PTPRJ: variants seen among roughly 807,000 people sequenced by gnomAD.
PTPRJ encodes protein tyrosine phosphatase receptor type J, also known as receptor-type tyrosine-protein phosphatase eta.
A neutral mutation model predicts 141.3 loss-of-function variants in PTPRJ; 129 were observed. That is an observed-to-expected ratio of 0.91 (90% CI 0.79 to 1.06). PTPRJ has a LOEUF of 1.06. PTPRJ is among the 50% of genes least tolerant of loss of function. PTPRJ has a pLI of 0.00. For missense variants in PTPRJ, 1,601 were observed against 1,679.7 expected, an observed-to-expected ratio of 0.95 and a Z score of 0.82; for synonymous variants, 610 against 640.5, an observed-to-expected ratio of 0.95 and a Z score of 0.72.
intron 5 of PTPRJ, among the ~76,000 whole-genome samples, chr11:48,124,606 C>T (rs534396408): frequency 1.1e-4 from 17 of 152,292 alleles, no homozygotes; most frequent in South Asian, 6.2e-4. Flanking sequence ...TCCAGGGAAA[C>T]GTGTCTTGAG....
At chr11:48,128,149 C>T (rs978723523) in intron 7 of PTPRJ, 106 bp downstream of exon 7, 27 of 1,366,432 alleles carry the variant, frequency 2.0e-5, no homozygotes, top group East Asian at 9.3e-5. Flanking sequence ...GCTGACCACA[C>T]GCCAAGCTTC....
chr11:48,052,406 CTG>C (rs1479749636), intron 1 of PTPRJ, among the ~76,000 whole-genome samples: 1 of 152,230 alleles, frequency 6.6e-6, no homozygotes, highest in Admixed American at 6.5e-5. Context: ...TGGACATCCT[CTG>C]GAGCCCAGGG....
At chr11:48,134,180 TTCTC>T (rs1378927024) in intron 8 of PTPRJ, among the ~76,000 whole-genome samples, 2 of 152,260 alleles carry the variant, frequency 1.3e-5, no homozygotes, top group African/African-American at 2.4e-5. Flanking sequence ...TGAATTCCTT[TTCTC>T]TCTGTGTCCA....
Position 48,136,072 on chromosome 11 carries a change from A to G in PTPRJ, c.1649A>G (p.Tyr550Cys), listed in dbSNP as rs776068369. ...PSAVFDIHVV[Y>C]VTTTEMWLDW... is the part of the protein sequence containing the mutation. ...GCAGTGTTTGACATCCACGTGGTCT[A>G]CGTCACCACCACGGAGATGTGGCTG... The change falls in exon 9 of 25, where the codon TAC (tyrosine) becomes TGC (cysteine). Residue 550 changes from tyrosine (Y) to cysteine (C), a missense_variant. Tyr to Cys is a radical substitution (Grantham distance 194, BLOSUM62 -2). Transcript: ENST00000418331. 1.5e-5 allele frequency: 24 copies of G among 1,613,994 alleles called. No homozygotes were observed. The highest frequency in any genetic ancestry group is 1.2e-4 in the African/African-American group (9 of 74,906).
Position 48,130,544 on chromosome 11 carries a change from A to T in PTPRJ, c.1443A>T (p.Ser481=), listed in dbSNP as rs931073105. The change falls in exon 8 of 25, where the codon TCA becomes TCT. Residue 481 remains serine (S), a synonymous_variant. Coordinates refer to ENST00000418331, the MANE Select transcript of PTPRJ (RefSeq NM_002843.4). The part of the protein sequence containing the change: ...GLAWSSHDAE[S]FQMHITQEGA... ...CATGGAGCAGCCATGATGCAGAATC[A>T]TTTCAGATGCATATCACACAGGAGG... 4 of 1,614,154 alleles carry T rather than the reference A, an allele frequency of 2.5e-6. No individual in the cohort carries two copies. Among genetic ancestry groups the T allele is most frequent in the Non-Finnish European group, 3.4e-6 (4 of 1,180,032 alleles).
chr11:48,057,381 GA>G (rs1854784040), intron 1 of PTPRJ, among the ~76,000 whole-genome samples: 1 of 152,178 alleles, frequency 6.6e-6, no homozygotes, highest in Admixed American at 6.5e-5. Context: ...CCACTTAAGA[GA>G]GGCACAGTGT....
intron 1 of PTPRJ, among the ~76,000 whole-genome samples, chr11:48,032,005 A>G (rs753106778): frequency 2.3e-4 from 35 of 152,238 alleles, no homozygotes; most frequent in Middle Eastern, 3.4e-3. Context: ...TGACTGTATC[A>G]TAGGGTTGAT....
intron 1 of PTPRJ, among the ~76,000 whole-genome samples, chr11:47,998,642 G>A (rs773246791): frequency 1.6e-4 from 25 of 152,294 alleles, no homozygotes; most frequent in African/African-American, 5.5e-4. Flanking sequence ...TCAAGATTCC[G>A]TGAAAAAATG....
chr11:48,056,620 G>A (rs908587811), intron 1 of PTPRJ, among the ~76,000 whole-genome samples: 2 of 152,134 alleles, frequency 1.3e-5, no homozygotes, highest in African/African-American at 4.8e-5. Flanking sequence ...ACAATAAAGC[G>A]ATAAGGTAGG....
In PTPRJ at chr11:48,129,128, C is replaced by T. The variant is rs72903547; in HGVS notation, c.1357+1085C>T. 3.4e-3 allele frequency among the ~76,000 whole-genome samples: 515 copies of T among 152,296 alleles called. 1 individual carries two copies. Among genetic ancestry groups the T allele is most frequent in the Non-Finnish European group, 4.3e-3 (290 of 68,038 alleles). On this transcript the variant is annotated intron_variant, in intron 7 of 24. Coordinates refer to ENST00000418331, the MANE Select transcript of PTPRJ (RefSeq NM_002843.4). ...TTATCCAAGGCTCAGTTGTATGAAACAGAAACTGTGAGCTATTTTAACCAA... is the reference window on the plus strand; with the variant it reads ...TTATCCAAGGCTCAGTTGTATGAAATAGAAACTGTGAGCTATTTTAACCAA...
At position 47,980,726 on chromosome 11, in the gene PTPRJ, C is replaced by T; in HGVS notation, c.-187C>T. 2 of 1,003,126 alleles carry T rather than the reference C, an allele frequency of 2.0e-6. No homozygotes were observed. The highest frequency in any genetic ancestry group is 1.7e-5 in the African/African-American group (1 of 57,262). 62.1% of individuals were successfully genotyped at this position (1,003,126 alleles called of 1,614,324 possible). A position where few individuals can be genotyped will look rare whatever the true frequency, so the allele number is the denominator to read the frequency against. Reference sequence around the variant, plus strand: ...GCCGCGCTAGGCTCCGGCGTGTGGCCGCGGCCGCCGCCGCCGCTGCCATGT... The same window carrying T: ...GCCGCGCTAGGCTCCGGCGTGTGGCTGCGGCCGCCGCCGCCGCTGCCATGT... On this transcript the variant is annotated 5_prime_UTR_variant, in exon 1 of 25. Transcript: ENST00000418331.
chr11:48,099,712 T>C (rs1394387027), intron 1 of PTPRJ, among the ~76,000 whole-genome samples: 2 of 152,182 alleles, frequency 1.3e-5, no homozygotes, highest in African/African-American at 4.8e-5. Flanking sequence ...CATTTCTGGC[T>C]TGAGAGTACC....
At chr11:48,059,109 C>CTTTT (rs1437506736) in intron 1 of PTPRJ, among the ~76,000 whole-genome samples, 22 of 125,908 alleles carry the variant, frequency 1.7e-4, no homozygotes, top group Non-Finnish European at 2.1e-4. Flanking sequence ...CTGTGCTGTG[C>CTTTT]CTTTTTTTTT....
chr11:47,980,825 G>A lies in PTPRJ; in HGVS notation c.-88G>A, dbSNP rs1022899983. 270 of 1,053,920 alleles carry A rather than the reference G, an allele frequency of 2.6e-4. 2 individuals are homozygous for A. The highest frequency in any genetic ancestry group is 1.7e-3 in the South Asian group (38 of 22,322). The allele number at this position is 1,053,920 out of a possible 1,614,324, so 65.3% of individuals were successfully genotyped here. ...GGCGGAGGAGGAGGCGAAGGAGACGGCAGGAGGCGGCGACGACGGTGCCCG... is the reference window on the plus strand; with the variant it reads ...GGCGGAGGAGGAGGCGAAGGAGACGACAGGAGGCGGCGACGACGGTGCCCG... On this transcript the variant is annotated 5_prime_UTR_variant, in exon 1 of 25. Coordinates refer to ENST00000418331, the MANE Select transcript of PTPRJ (RefSeq NM_002843.4).
intron 1 of PTPRJ, among the ~76,000 whole-genome samples, chr11:48,092,959 A>G (rs1478220811): frequency 1.2e-4 from 18 of 152,188 alleles, no homozygotes; most frequent in Admixed American, 1.1e-3. Context: ...CTTTTCATAT[A>G]TGAGCGTTGA....
intron 1 of PTPRJ, among the ~76,000 whole-genome samples, chr11:48,047,641 G>A (rs1413920234): frequency 2.0e-5 from 3 of 151,894 alleles, no homozygotes; most frequent in Non-Finnish European, 2.9e-5. Context: ...TAGCTGGGAC[G>A]ACAGGCGCGT....
chr11:48,167,166 T>A, intron 24 of PTPRJ, 38 bp from the exon 25 acceptor site: 2 of 1,572,890 alleles, frequency 1.3e-6, no homozygotes, highest in East Asian at 2.2e-5. Context: ...CTGGGACCCA[T>A]GTTCATTTTC....
intron 1 of PTPRJ, among the ~76,000 whole-genome samples, chr11:47,987,220 A>G (rs1305382532): frequency 6.6e-6 from 1 of 152,168 alleles, no homozygotes; most frequent in African/African-American, 2.4e-5. Context: ...AAAAGAAAAA[A>G]AATAAAAAAT....
At chr11:48,163,896 G>A (rs1437265710) in intron 23 of PTPRJ, among the ~76,000 whole-genome samples, 1 of 152,162 alleles carries the variant, frequency 6.6e-6, no homozygotes, top group Non-Finnish European at 1.5e-5. Flanking sequence ...GTTTATGGTT[G>A]CTTTTCTGCT....
Sources: gnomAD v4.1 joint callset for allele counts (sites outside exome capture counted in the v4.1 genomes callset) on GRCh38, gnomAD v4.1.1 for gene constraint, MANE v1.5 for transcripts, NCBI Gene and HGNC (gene_info 2026-07-23, HGNC 2026-07-21) for gene names.